Variants in POU6F2 observed in about 807,000 individuals in gnomAD.
The protein encoded by POU6F2 is POU class 6 homeobox 2.
Under a neutral mutation model 71.3 loss-of-function variants are expected in POU6F2, and 31 were observed. That is an observed-to-expected ratio of 0.43 (90% CI 0.33 to 0.59). The LOEUF is 0.59. Ranked by LOEUF, POU6F2 falls within the 20% of genes least tolerant of loss-of-function variation. POU6F2 has a pLI of 0.04. For synonymous variants in POU6F2, 347 were observed against 355.7 expected (o/e 0.98, Z 0.27); for missense variants, 783 against 856.8 (o/e 0.91, Z 1.07).
At chr7:39,308,647 T>G (rs1033265708) in intron 4 of POU6F2, among the ~76,000 whole-genome samples, 3 of 152,080 alleles carry the variant, frequency 2.0e-5, no homozygotes, top group Non-Finnish European at 4.4e-5. Context: ...ATTCTTCCTG[T>G]CCCCTCTCTC....
chr7:39,109,080 C>G (rs140780996), intron 2 of POU6F2, among the ~76,000 whole-genome samples: 122 of 152,324 alleles, frequency 8.0e-4, no homozygotes, highest in African/African-American at 1.2e-3. Flanking sequence ...GGGTCTCACT[C>G]TGTCACACAG....
At chr7:39,141,703 A>G (rs1283483799) in intron 2 of POU6F2, among the ~76,000 whole-genome samples, 4 of 152,248 alleles carry the variant, frequency 2.6e-5, no homozygotes, top group Admixed American at 1.3e-4. Context: ...AATAATAACC[A>G]TAATGAATAT....
chr7:39,269,259 G>A (rs146250070), intron 4 of POU6F2, among the ~76,000 whole-genome samples: 20 of 152,264 alleles, frequency 1.3e-4, no homozygotes, highest in South Asian at 2.1e-4. Context: ...TCAGGCTGGC[G>A]CACACACAGC....
intron 7 of POU6F2, among the ~76,000 whole-genome samples, chr7:39,437,071 C>G (rs545655817): frequency 3.8e-4 from 58 of 152,230 alleles, no homozygotes; most frequent in African/African-American, 1.3e-3. Context: ...GGAATATTGG[C>G]CTGAAGTTTT....
intron 1 of POU6F2, among the ~76,000 whole-genome samples, chr7:38,982,103 T>C (rs941012189): frequency 1.3e-5 from 2 of 152,158 alleles, no homozygotes; most frequent in Non-Finnish European, 2.9e-5. Flanking sequence ...AAGATTGCCC[T>C]CTGTCAATTT....
intron 1 of POU6F2, among the ~76,000 whole-genome samples, chr7:39,015,648 G>T (rs28971956): frequency 2.7e-5 from 2 of 73,784 alleles, no homozygotes; most frequent in South Asian, 4.1e-4. Context: ...GTTATATATA[G>T]ATATATATTA....
chr7:39,426,249 G>A (rs1192201460), intron 6 of POU6F2, among the ~76,000 whole-genome samples: 1 of 152,180 alleles, frequency 6.6e-6, no homozygotes, highest in African/African-American at 2.4e-5. Context: ...ATTGGCTCAG[G>A]CCAACTCTTG....
chr7:39,077,109 G>A (rs893755654), intron 1 of POU6F2, among the ~76,000 whole-genome samples: 2 of 152,192 alleles, frequency 1.3e-5, no homozygotes, highest in African/African-American at 2.4e-5. Flanking sequence ...TAGGGTATGC[G>A]TATGCAATGT....
At position 39,464,173 on chromosome 7, in the gene POU6F2, C is replaced by CCCCCCCAG; in HGVS notation, c.1659-8_1659-1dup. The CCCCCCCAG allele has an allele frequency of 6.2e-7, 1 of 1,609,420 alleles. No individual in the cohort carries two copies. ...TGTAAGACTGTTCTTTCTCAATTTT[C>CCCCCCCAG]CCCCCCAGACACACCATCCTGAGAA... is the stretch of plus-strand genomic sequence containing the variant. On this transcript the variant is annotated splice_polypyrimidine_tract_variant and intron_variant, in intron 9 of 9. Transcript: ENST00000518318. This position sits in a 1 kb window ranked among gnomAD's most constrained non-coding sequence, Gnocchi z 4.1.
intron 4 of POU6F2, among the ~76,000 whole-genome samples, chr7:39,267,611 C>T (rs957497531): frequency 1.3e-4 from 19 of 151,638 alleles, no homozygotes; most frequent in Non-Finnish European, 1.9e-4. Context: ...TAGCTGTTAA[C>T]TTTTCATACA....
At chr7:39,229,944 T>C (rs544269290) in intron 4 of POU6F2, among the ~76,000 whole-genome samples, 1 of 152,332 alleles carries the variant, frequency 6.6e-6, no homozygotes, top group African/African-American at 2.4e-5. Flanking sequence ...TCATCTCACT[T>C]ACTTGCCACA....
intron 1 of POU6F2, among the ~76,000 whole-genome samples, chr7:38,999,730 C>T (rs933530213): frequency 6.6e-6 from 1 of 152,076 alleles, no homozygotes; most frequent in Non-Finnish European, 1.5e-5. Context: ...CAATGCTGTG[C>T]TTAATAGTCT....
intron 7 of POU6F2, among the ~76,000 whole-genome samples, chr7:39,446,807 C>G (rs978561227): frequency 6.6e-6 from 1 of 152,194 alleles, no homozygotes; most frequent in African/African-American, 2.4e-5. Flanking sequence ...ATGAGCTGTT[C>G]CTTTTCTCTT....
At chr7:39,095,817 A>C (rs1388999609) in intron 2 of POU6F2, among the ~76,000 whole-genome samples, 3 of 152,208 alleles carry the variant, frequency 2.0e-5, no homozygotes, top group Admixed American at 2.0e-4. Context: ...AGCAAAAATT[A>C]AAACGTGCCG....
At chr7:39,308,559 T>G (rs1785093369) in intron 4 of POU6F2, among the ~76,000 whole-genome samples, 1 of 152,146 alleles carries the variant, frequency 6.6e-6, no homozygotes, top group Non-Finnish European at 1.5e-5. Context: ...AGCTCATGTC[T>G]CTAGGTAAAA....
chr7:39,141,627 A>G lies in POU6F2; in HGVS notation c.277+55596A>G, dbSNP rs147114122. Among the ~76,000 whole-genome samples, 21 of 152,362 alleles carry G rather than the reference A, an allele frequency of 1.4e-4. No homozygotes were observed. In the East Asian group the frequency reaches 3.9e-3, roughly 28 times the overall value. On this transcript the variant is annotated intron_variant, in intron 2 of 9. Transcript: ENST00000518318. ...TATAGTTCCAAAAGTATATATCTTA[A>G]TACTGCTAGGAAGGATGAAATATCA... is the stretch of plus-strand genomic sequence containing the variant.
At chr7:39,138,891 C>T (rs1232499296) in intron 2 of POU6F2, among the ~76,000 whole-genome samples, 3 of 152,094 alleles carry the variant, frequency 2.0e-5, no homozygotes, top group African/African-American at 7.2e-5. Flanking sequence ...TAATTTGACT[C>T]TCCCCTCCTT....
chr7:39,133,798 G>T (rs945464505), intron 2 of POU6F2, among the ~76,000 whole-genome samples: 3 of 152,214 alleles, frequency 2.0e-5, no homozygotes, highest in Admixed American at 2.0e-4. Context: ...TACAGCCTGT[G>T]TAAGCTCTAC....
intron 4 of POU6F2, among the ~76,000 whole-genome samples, chr7:39,294,954 G>T (rs978540825): frequency 6.6e-6 from 1 of 152,150 alleles, no homozygotes; most frequent in Non-Finnish European, 1.5e-5. Flanking sequence ...ATCAGGGGCG[G>T]GTCCTGGGGG....
Sources: gnomAD v4.1 joint callset for allele counts (sites outside exome capture counted in the v4.1 genomes callset) on GRCh38, gnomAD v4.1.1 for gene constraint, Gnocchi (gnomAD v3.1) non-coding constraint, MANE v1.5 for transcripts, NCBI Gene and HGNC (gene_info 2026-07-23, HGNC 2026-07-21) for gene names.